SGCD: variants seen among roughly 807,000 people sequenced by gnomAD.
SGCD encodes the protein delta-sarcoglycan.
Under a neutral mutation model 36.6 loss-of-function variants are expected in SGCD, and 18 were observed. The observed-to-expected ratio is 0.49, with a 90% CI of 0.34 to 0.73. The LOEUF (loss-of-function observed/expected upper bound fraction) is 0.73, where lower values mean the gene tolerates loss of function less well. Among genes scored for constraint, SGCD ranks in the 30% least tolerant of loss-of-function variants. SGCD has a pLI of 0.01. For synonymous variants in SGCD, 133 were observed against 130.6 expected, an observed-to-expected ratio of 1.02 and a Z score of -0.12; for missense variants, 387 against 346.7, an observed-to-expected ratio of 1.12 and a Z score of -0.92.
At chr5:156,703,805 G>GT (rs760660615) in intron 7 of SGCD, among the ~76,000 whole-genome samples, 11 of 152,128 alleles carry the variant, frequency 7.2e-5, no homozygotes, top group Non-Finnish European at 1.3e-4. Flanking sequence ...CTCCCACCAT[G>GT]TATTAATGCC....
chr5:156,013,215 G>T (rs1184559958), intron 1 of SGCD, among the ~76,000 whole-genome samples: 2 of 151,702 alleles, frequency 1.3e-5, no homozygotes, highest in African/African-American at 2.4e-5. Flanking sequence ...AGTAGAGATG[G>T]AGTTTCACCA....
intron 1 of SGCD, among the ~76,000 whole-genome samples, chr5:156,099,126 C>T (rs532779477): frequency 5.9e-5 from 9 of 152,332 alleles, no homozygotes; most frequent in African/African-American, 2.2e-4. Flanking sequence ...GACAATACAT[C>T]TGGTTGCTAT....
At chr5:155,757,156 T>C in the SGCD span, among the ~76,000 whole-genome samples, 4 of 152,224 alleles carry the variant, frequency 2.6e-5, no homozygotes, top group Admixed American at 1.3e-4. Flanking sequence ...CATGCTCGTC[T>C]TGGAAACTTG....
At chr5:156,229,273 C>CAT (rs1383896091) in intron 3 of SGCD, among the ~76,000 whole-genome samples, 19 of 8,584 alleles carry the variant, frequency 2.2e-3, no homozygotes, top group African/African-American at 4.6e-3. Context: ...TATATATATA[C>CAT]ATACATATAT....
the SGCD span, among the ~76,000 whole-genome samples, chr5:155,771,049 C>G: frequency 6.9e-6 from 1 of 145,808 alleles, no homozygotes; most frequent in Admixed American, 6.8e-5. Context: ...GTGCTCCTGT[C>G]ATCTGAACCA....
At chr5:156,246,376 G>A (rs939905411) in intron 3 of SGCD, among the ~76,000 whole-genome samples, 1 of 152,006 alleles carries the variant, frequency 6.6e-6, no homozygotes. Context: ...GCTTAAAACA[G>A]TAAAATTCTA....
intron 3 of SGCD, among the ~76,000 whole-genome samples, chr5:156,264,810 G>T (rs1035887216): frequency 6.6e-6 from 1 of 152,086 alleles, no homozygotes; most frequent in East Asian, 1.9e-4. Flanking sequence ...TGTCAATTTT[G>T]TTCACTGCTT....
At chr5:156,627,949 C>T (rs777486113) in intron 6 of SGCD, among the ~76,000 whole-genome samples, 13 of 152,060 alleles carry the variant, frequency 8.5e-5, no homozygotes, top group Non-Finnish European at 1.3e-4. Flanking sequence ...TAAAGAAATA[C>T]CTGAGACTGG....
At chr5:156,063,298 T>C (rs555337099) in intron 1 of SGCD, among the ~76,000 whole-genome samples, 1,659 of 13,054 alleles carry the variant, frequency 0.13, 186 homozygotes, top group African/African-American at 0.25. Flanking sequence ...TCTATATCTC[T>C]GTTTTGGTAC....
At chr5:156,514,256 G>C (rs891023540) in intron 4 of SGCD, among the ~76,000 whole-genome samples, 5 of 152,272 alleles carry the variant, frequency 3.3e-5, no homozygotes, top group Middle Eastern at 6.8e-3. Context: ...TAGGATGCTA[G>C]GATTAGATTA....
intron 4 of SGCD, among the ~76,000 whole-genome samples, chr5:156,545,913 G>A (rs1426983689): frequency 2.0e-5 from 3 of 152,292 alleles, no homozygotes; most frequent in East Asian, 1.9e-4. Flanking sequence ...TCTGGCTTTA[G>A]CTCCAAGTTT....
chr5:156,159,193 A>G (rs1763031648), intron 3 of SGCD, among the ~76,000 whole-genome samples: 1 of 151,662 alleles, frequency 6.6e-6, no homozygotes. Flanking sequence ...AGAGCCTTAA[A>G]AAATGTCTAG....
chr5:156,592,608 C>A (rs1429216691), intron 5 of SGCD, among the ~76,000 whole-genome samples: 1 of 152,108 alleles, frequency 6.6e-6, no homozygotes, highest in Non-Finnish European at 1.5e-5. Flanking sequence ...AATAAATGCC[C>A]CTTTCCTTCT....
intron 3 of SGCD, among the ~76,000 whole-genome samples, chr5:156,468,640 C>G (rs1349776521): frequency 2.0e-5 from 3 of 152,124 alleles, no homozygotes; most frequent in Non-Finnish European, 4.4e-5. Context: ...CTTGAATTTC[C>G]TCATTTGAAA....
Position 155,982,917 on chromosome 5 carries a change from TCTGC to T in SGCD, c.-282+112496_-282+112499del, listed in dbSNP as rs550830345. On this transcript the variant is annotated intron_variant, in intron 1 of 9. Transcript: ENST00000517913. ...CAGTCCTAAGTTTTGTAGTTTCATT[TCTGC>T]CTTAGATAGATAACCCCAGTGAAGA... 3.0e-3 allele frequency among the ~76,000 whole-genome samples: 451 copies of T among 152,102 alleles called. 2 individuals carry two copies. Among genetic ancestry groups the T allele is most frequent in the African/African-American group, 0.011 (441 of 41,338 alleles).
chr5:156,156,184 C>T (rs1762957781), intron 3 of SGCD, among the ~76,000 whole-genome samples: 1 of 151,626 alleles, frequency 6.6e-6, no homozygotes, highest in Non-Finnish European at 1.5e-5. Flanking sequence ...GCGACCCCTT[C>T]ATATTACGAA....
chr5:156,462,620 G>C (rs1561711385), intron 3 of SGCD, among the ~76,000 whole-genome samples: 2 of 152,134 alleles, frequency 1.3e-5, no homozygotes, highest in Non-Finnish European at 2.9e-5. Flanking sequence ...AGTGGATTTT[G>C]ACTGGCTAGC....
intron 7 of SGCD, among the ~76,000 whole-genome samples, chr5:156,677,094 A>G (rs1283749917): frequency 6.6e-6 from 1 of 152,210 alleles, no homozygotes; most frequent in Non-Finnish European, 1.5e-5. Flanking sequence ...CATTTTCCAG[A>G]TGAGGAGTCA....
At chr5:156,368,602 C>T (rs1184202105) in intron 3 of SGCD, among the ~76,000 whole-genome samples, 1 of 152,120 alleles carries the variant, frequency 6.6e-6, no homozygotes, top group Non-Finnish European at 1.5e-5. Flanking sequence ...GGCTAGCAAG[C>T]AAAGCTTCAT....
Sources: gnomAD v4.1 joint callset for allele counts (sites outside exome capture counted in the v4.1 genomes callset) on GRCh38, gnomAD v4.1.1 for gene constraint, MANE v1.5 for transcripts, NCBI Gene and HGNC (gene_info 2026-07-23, HGNC 2026-07-21) for gene names.